The following MEF2A variants were observed in gnomAD, a reference collection of about 807,000 sequenced individuals.
MEF2A encodes the protein myocyte enhancer factor 2A, also known as myocyte-specific enhancer factor 2A.
In MEF2A, 28 loss-of-function variants were observed where a neutral mutation model predicts 55.8. The ratio of observed to expected loss-of-function variants is 0.50; its 90% CI spans 0.37 to 0.69. The LOEUF is 0.69. Among genes scored for constraint, MEF2A ranks in the 30% least tolerant of loss-of-function variants. The pLI, the probability that MEF2A is intolerant of heterozygous loss-of-function variation, is 0.00. For missense variants in MEF2A, 528 were observed against 626.2 expected (o/e 0.84, Z 1.67); for synonymous variants, 239 against 227.1 (o/e 1.05, Z -0.47).
chr15:99,671,276 T>A (rs1224404118), intron 4 of MEF2A, 47 bp from the exon 5 acceptor site: 1 of 1,575,660 alleles, frequency 6.3e-7, no homozygotes, highest in East Asian at 2.3e-5. Context: ...GAAAAACTCA[T>A]GGCAAGTTAG....
chr15:99,575,588 A>G (rs552227988), intron 1 of MEF2A, among the ~76,000 whole-genome samples: 2 of 152,316 alleles, frequency 1.3e-5, no homozygotes, highest in South Asian at 2.1e-4. Context: ...AGTTTTCTCT[A>G]TTACAAAAGG....
chr15:99,702,423 ATG>A (rs1267629246), intron 8 of MEF2A, among the ~76,000 whole-genome samples: 1 of 145,152 alleles, frequency 6.9e-6, no homozygotes, highest in Non-Finnish European at 1.5e-5. Flanking sequence ...AGGAGCAAAA[ATG>A]TTTCTTTTTT....
At chr15:99,616,416 C>G (rs2040199254) in intron 2 of MEF2A, among the ~76,000 whole-genome samples, 1 of 152,042 alleles carries the variant, frequency 6.6e-6, no homozygotes, top group African/African-American at 2.4e-5. Context: ...AAAATTTCTT[C>G]TGTTTCTTCC....
At chr15:99,664,690 AGGTCGACTAGGTT>A in intron 4 of MEF2A, among the ~76,000 whole-genome samples, 1 of 152,346 alleles carries the variant, frequency 6.6e-6, no homozygotes, top group East Asian at 1.9e-4. Flanking sequence ...AAAGGGAATA[AGGTCGACTAGGTT>A]GGTAAGTCCC....
chr15:99,705,134 C>T (rs1035982405), intron 9 of MEF2A, among the ~76,000 whole-genome samples: 7 of 152,298 alleles, frequency 4.6e-5, no homozygotes, highest in South Asian at 2.1e-4. Flanking sequence ...GACTCTGATC[C>T]GAAGTGCAGA....
At position 99,636,951 on chromosome 15, in the gene MEF2A, C is replaced by G. The variant is rs145808974; in HGVS notation, c.54+3778C>G. Among the ~76,000 whole-genome samples, 346 of 152,272 alleles carry G rather than the reference C, an allele frequency of 2.3e-3. 10 individuals carry two copies. In the East Asian group the frequency reaches 0.056, roughly 25 times the overall value. On this transcript the variant is annotated intron_variant, in intron 3 of 11. Coordinates refer to ENST00000557942, the MANE Select transcript of MEF2A (RefSeq NM_001319206.4). ...AATTTATTGCATAAAACCATCCTTTCCTCACTATATGACAGGGTTGCCTTT... is the reference window on the plus strand; with the variant it reads ...AATTTATTGCATAAAACCATCCTTTGCTCACTATATGACAGGGTTGCCTTT...
chr15:99,708,965 G>A (rs947885829), intron 10 of MEF2A, among the ~76,000 whole-genome samples: 1 of 152,208 alleles, frequency 6.6e-6, no homozygotes, highest in Non-Finnish European at 1.5e-5. Context: ...CTATGTCAAG[G>A]ATTTTGGAAA....
intron 2 of MEF2A, among the ~76,000 whole-genome samples, chr15:99,601,354 T>C (rs1596385288): frequency 6.6e-6 from 1 of 152,224 alleles, no homozygotes; most frequent in East Asian, 1.9e-4. Flanking sequence ...ATTTCCTCCA[T>C]TTAAATTTAT....
intron 8 of MEF2A, among the ~76,000 whole-genome samples, chr15:99,700,366 G>A (rs567428100): frequency 6.6e-6 from 1 of 151,520 alleles, no homozygotes; most frequent in South Asian, 2.1e-4. Context: ...ACAAAAATTA[G>A]TCGAGTGTGG....
Position 99,716,317 on chromosome 15 carries a change from T to C in MEF2A, c.*3546T>C, listed in dbSNP as rs1389010936. 2.9e-6 allele frequency: 1 copy of C among 348,806 alleles called. No individual in the cohort carries two copies. The highest frequency in any genetic ancestry group is 5.7e-6 in the Non-Finnish European group (1 of 175,064). 21.6% of individuals were successfully genotyped at this position (348,806 alleles called of 1,614,324 possible). On this transcript the variant is annotated 3_prime_UTR_variant, in exon 12 of 12. Transcript: ENST00000557942. ...TTGTTGCCATCCTTGAGATGAACCTTTTAAGAAAAATAAGTTAATCTCAAT... is the reference window on the plus strand; with the variant it reads ...TTGTTGCCATCCTTGAGATGAACCTCTTAAGAAAAATAAGTTAATCTCAAT...
At chr15:99,666,938 A>G (rs1341700067) in intron 4 of MEF2A, among the ~76,000 whole-genome samples, 1 of 152,236 alleles carries the variant, frequency 6.6e-6, no homozygotes, top group Non-Finnish European at 1.5e-5. Context: ...GAATTACCAC[A>G]AGAAGATTTT....
chr15:99,710,093 A>G (rs1252998330), intron 10 of MEF2A, among the ~76,000 whole-genome samples: 1 of 152,030 alleles, frequency 6.6e-6, no homozygotes, highest in African/African-American at 2.4e-5. Flanking sequence ...TGTACAGAAC[A>G]CTCTTTAATG....
At chr15:99,650,703 A>G (rs1408320001) in intron 4 of MEF2A, among the ~76,000 whole-genome samples, 1 of 152,232 alleles carries the variant, frequency 6.6e-6, no homozygotes, top group African/African-American at 2.4e-5. Flanking sequence ...AGATCCATCT[A>G]TCAATTAGAA....
intron 1 of MEF2A, among the ~76,000 whole-genome samples, chr15:99,584,679 A>C (rs1162150476): frequency 6.6e-6 from 1 of 152,128 alleles, no homozygotes; most frequent in East Asian, 1.9e-4. Flanking sequence ...ACTGAGCCAT[A>C]GGGGGCTGGG....
chr15:99,603,571 G>GTGTGTGTGTGTC, intron 2 of MEF2A, among the ~76,000 whole-genome samples: 1 of 151,426 alleles, frequency 6.6e-6, no homozygotes, highest in Non-Finnish European at 1.5e-5. Context: ...GTGTGTGTGT[G>GTGTGTGTGTGTC]TGTGTGTTTG....
chr15:99,598,453 A>G lies in MEF2A; in HGVS notation c.-201A>G, dbSNP rs1971963648. The G allele has an allele frequency of 6.6e-6, 1 of 152,204 alleles. No homozygotes were observed. Among genetic ancestry groups the G allele is most frequent in the Non-Finnish European group, 1.5e-5 (1 of 68,030 alleles). The allele number at this position is 152,204 out of a possible 1,614,324, so 9.4% of individuals were successfully genotyped here. On this transcript the variant is annotated 5_prime_UTR_variant, in exon 2 of 12. Coordinates refer to ENST00000557942, the MANE Select transcript of MEF2A (RefSeq NM_001319206.4). ...AGGAATTGCATTTTGTGAAAAAAGA[A>G]CAAGAATTTTCTGCAAGGATCATAT...
At chr15:99,572,998 G>T (rs1771984898) in intron 1 of MEF2A, among the ~76,000 whole-genome samples, 5 of 152,160 alleles carry the variant, frequency 3.3e-5, no homozygotes, top group Admixed American at 6.5e-5. Flanking sequence ...AGTAGAAGTT[G>T]TCCTAATCGG....
chr15:99,634,306 T>C (rs977263954), intron 3 of MEF2A, among the ~76,000 whole-genome samples: 4 of 152,194 alleles, frequency 2.6e-5, no homozygotes, highest in African/African-American at 9.7e-5. Context: ...TCATGAAGAT[T>C]GTTCAACAAA....
In MEF2A at chr15:99,594,127, C is replaced by G. The variant is rs77927693; in HGVS notation, c.-224-4303C>G. 9.9e-3 allele frequency among the ~76,000 whole-genome samples: 1,509 copies of G among 152,268 alleles called. 29 individuals are homozygous for G. The highest frequency in any genetic ancestry group is 0.034 in the African/African-American group (1,413 of 41,550). ...ATATCCTACAGGTTGAGGGCTCAGC[C>G]TGACAAGACTGACCCACTTCAGATG... On this transcript the variant is annotated intron_variant, in intron 1 of 11. Transcript: ENST00000557942.
Sources: allele counts gnomAD v4.1 joint callset (sites outside exome capture counted in the v4.1 genomes callset), GRCh38; gene constraint gnomAD v4.1.1; transcripts MANE v1.5; gene names NCBI Gene and HGNC (gene_info 2026-07-23, HGNC 2026-07-21).